MOB3B: variants seen among roughly 807,000 people sequenced by gnomAD.
MOB3B encodes MOB kinase activator-like 2B.
Under a neutral mutation model 18.7 loss-of-function variants are expected in MOB3B, and 7 were observed. That is an observed-to-expected ratio of 0.37 (90% CI 0.21 to 0.70). The LOEUF (loss-of-function observed/expected upper bound fraction) is 0.70, where lower values mean the gene tolerates loss of function less well. Ranked by LOEUF, MOB3B falls within the 30% of genes least tolerant of loss-of-function variation. MOB3B has a pLI of 0.52. For missense variants in MOB3B, 253 were observed against 281.3 expected (o/e 0.90, Z 0.72); for synonymous variants, 111 against 99.9 (o/e 1.11, Z -0.66).
intron 2 of MOB3B, chr9:27,391,845 T>G (rs1488484374): frequency 6.6e-6 from 1 of 152,220 alleles, no homozygotes; most frequent in Non-Finnish European, 1.5e-5. Context: ...TAATTTGATT[T>G]TGAGAGGAAG....
At chr9:27,394,885 T>A (rs889048886) in intron 2 of MOB3B, among the ~76,000 whole-genome samples, 1 of 152,358 alleles carries the variant, frequency 6.6e-6, no homozygotes, top group Middle Eastern at 3.4e-3. Flanking sequence ...ACTGTATATT[T>A]CATGTATTGA....
At chr9:27,359,378 TG>T (rs1344684348) in intron 2 of MOB3B, 142 bp from the exon 3 acceptor site, 33,877 of 265,180 alleles carry the variant, frequency 0.13, 15 homozygotes, top group South Asian at 0.23. Flanking sequence ...TGTGTGTGTG[TG>T]GGGGGGGGGG....
chr9:27,380,002 CA>C (rs1821552586), intron 2 of MOB3B, among the ~76,000 whole-genome samples: 1 of 152,238 alleles, frequency 6.6e-6, no homozygotes, highest in Admixed American at 6.5e-5. Flanking sequence ...TATATTGACA[CA>C]ACGGTTAAAA....
At chr9:27,499,365 C>T (rs1819951769) in intron 1 of MOB3B, among the ~76,000 whole-genome samples, 1 of 152,092 alleles carries the variant, frequency 6.6e-6, no homozygotes, top group Non-Finnish European at 1.5e-5. Flanking sequence ...AGAAAGCAAG[C>T]TTATTAGGTT....
intron 3 of MOB3B, 76 bp from the exon 4 acceptor site, chr9:27,330,692 G>A: frequency 6.3e-7 from 1 of 1,598,354 alleles, no homozygotes; most frequent in Non-Finnish European, 8.5e-7. Flanking sequence ...TCCTGAAAAT[G>A]CTCTTGGAAT....
intron 2 of MOB3B, among the ~76,000 whole-genome samples, chr9:27,364,305 G>A (rs1373847670): frequency 6.6e-6 from 1 of 152,138 alleles, no homozygotes; most frequent in Non-Finnish European, 1.5e-5. Context: ...TGCCTCATGA[G>A]TACATAAGAC....
intron 2 of MOB3B, among the ~76,000 whole-genome samples, chr9:27,389,198 A>G (rs1438369045): frequency 6.6e-6 from 1 of 152,070 alleles, no homozygotes; most frequent in African/African-American, 2.4e-5. Context: ...TAGAAATGCA[A>G]ATTTTCAGGC....
At chr9:27,357,236 C>T (rs1821206116) in intron 3 of MOB3B, among the ~76,000 whole-genome samples, 1 of 146,218 alleles carries the variant, frequency 6.8e-6, no homozygotes, top group Non-Finnish European at 1.5e-5. Context: ...TCACCATCTT[C>T]TTTGCCAGGT....
At chr9:27,339,787 T>C (rs1179792792) in intron 3 of MOB3B, among the ~76,000 whole-genome samples, 1 of 152,202 alleles carries the variant, frequency 6.6e-6, no homozygotes, top group Admixed American at 6.5e-5. Flanking sequence ...GCTGTTTCAG[T>C]TGAGTCTCTG....
Position 27,330,424 on chromosome 9 carries a change from A to G in MOB3B, c.*163T>C. ...TAGCAGCACTCAGAAGGTTAAGAGCACACAAAGTGAGTGGGGAATGTCTCT... is the reference window on the plus strand; with the variant it reads ...TAGCAGCACTCAGAAGGTTAAGAGCGCACAAAGTGAGTGGGGAATGTCTCT... On this transcript the variant is annotated 3_prime_UTR_variant, in exon 4 of 4. Coordinates refer to ENST00000262244, the MANE Select transcript of MOB3B (RefSeq NM_024761.5). 2.3e-6 allele frequency: 2 copies of G among 854,652 alleles called. No individual in the cohort carries two copies. The highest frequency in any genetic ancestry group is 3.6e-5 in the South Asian group (2 of 55,742). 52.9% of individuals were successfully genotyped at this position (854,652 alleles called of 1,614,324 possible). A position where few individuals can be genotyped will look rare whatever the true frequency, so the allele number is the denominator to read the frequency against.
intron 1 of MOB3B, among the ~76,000 whole-genome samples, chr9:27,486,571 G>C (rs535108359): frequency 6.6e-6 from 1 of 152,134 alleles, no homozygotes; most frequent in Non-Finnish European, 1.5e-5. Context: ...AAGTGTCAGG[G>C]TTTCATATTC....
intron 3 of MOB3B, among the ~76,000 whole-genome samples, chr9:27,340,706 T>C (rs1820927728): frequency 6.6e-6 from 1 of 152,178 alleles, no homozygotes; most frequent in African/African-American, 2.4e-5. Context: ...TCCAACCTGA[T>C]TTCTGCTCAG....
chr9:27,399,368 C>T (rs951884221), intron 2 of MOB3B, among the ~76,000 whole-genome samples: 2 of 152,092 alleles, frequency 1.3e-5, no homozygotes, highest in African/African-American at 2.4e-5. Flanking sequence ...GAGGAGACGA[C>T]GAAGCACACA....
chr9:27,460,786 G>A (rs959585030), intron 1 of MOB3B, among the ~76,000 whole-genome samples: 8 of 152,178 alleles, frequency 5.3e-5, no homozygotes, highest in African/African-American at 1.7e-4. Context: ...GCATGAAGGA[G>A]GTTTAGTGTC....
intron 1 of MOB3B, among the ~76,000 whole-genome samples, chr9:27,493,504 C>T (rs1021314183): frequency 2.6e-5 from 4 of 151,948 alleles, no homozygotes; most frequent in East Asian, 3.9e-4. Context: ...AGCCAGGCAT[C>T]GTAGTGGGTG....
chr9:27,339,650 C>A (rs1193412209), intron 3 of MOB3B, among the ~76,000 whole-genome samples: 1 of 152,216 alleles, frequency 6.6e-6, no homozygotes, highest in Non-Finnish European at 1.5e-5. Context: ...AGGTTAAGTA[C>A]CTCGGCCATG....
At chr9:27,334,823 T>TTTTC (rs1820838760) in intron 3 of MOB3B, among the ~76,000 whole-genome samples, 1 of 150,872 alleles carries the variant, frequency 6.6e-6, no homozygotes. Context: ...TAATATTCTT[T>TTTTC]TTTTTCTTTT....
At chr9:27,486,034 C>G (rs542663191) in intron 1 of MOB3B, among the ~76,000 whole-genome samples, 8 of 152,202 alleles carry the variant, frequency 5.3e-5, no homozygotes, top group South Asian at 2.1e-4. Flanking sequence ...GTGGAGCTTA[C>G]AGTCTGTTGG....
intron 2 of MOB3B, among the ~76,000 whole-genome samples, chr9:27,360,912 T>A (rs951823846): frequency 1.3e-5 from 2 of 151,916 alleles, no homozygotes; most frequent in East Asian, 3.9e-4. Flanking sequence ...GAGGGTGCGG[T>A]AGAGCCAAGG....
Sources: allele counts gnomAD v4.1 joint callset (sites outside exome capture counted in the v4.1 genomes callset), GRCh38; gene constraint gnomAD v4.1.1; transcripts MANE v1.5; gene names NCBI Gene and HGNC (gene_info 2026-07-23, HGNC 2026-07-21).